The following OR10J1 variants were observed in gnomAD, a reference collection of about 807,000 sequenced individuals.
The protein encoded by OR10J1 is olfactory receptor 10J1.
For missense variants in OR10J1, 474 were observed against 376.6 expected, an observed-to-expected ratio of 1.26 and a Z score of -2.14; for synonymous variants, 202 against 143.8, an observed-to-expected ratio of 1.40 and a Z score of -2.89.
At chr1:159,407,788 C>T in the OR10J1 span, among the ~76,000 whole-genome samples, 2 of 151,976 alleles carry the variant, frequency 1.3e-5, no homozygotes, top group African/African-American at 2.4e-5. Context: ...TTTCTTATTC[C>T]CATACTATGT....
chr1:159,416,044 C>T, the OR10J1 span, among the ~76,000 whole-genome samples: 1 of 151,872 alleles, frequency 6.6e-6, no homozygotes, highest in Admixed American at 6.6e-5. Context: ...TATCTTACAA[C>T]TTTACTAAAT....
At chr1:159,415,940 T>C in the OR10J1 span, among the ~76,000 whole-genome samples, 3 of 151,934 alleles carry the variant, frequency 2.0e-5, no homozygotes, top group African/African-American at 7.2e-5. Flanking sequence ...TCAGTTATTG[T>C]AAATGGGATT....
chr1:159,413,232 C>G, the OR10J1 span, among the ~76,000 whole-genome samples: 2 of 152,114 alleles, frequency 1.3e-5, no homozygotes, highest in Non-Finnish European at 1.5e-5. Context: ...CACTTTTACA[C>G]TGTTGGTGGG....
chr1:159,405,684 T>G, the OR10J1 span: 1 of 569,754 alleles, frequency 1.8e-6, no homozygotes, highest in Admixed American at 2.2e-5. Context: ...TACCCTCAGT[T>G]GAAGCAATCT....
chr1:159,406,527 G>T, the OR10J1 span: 1 of 199,148 alleles, frequency 5.0e-6, no homozygotes, highest in Non-Finnish European at 1.0e-5. Context: ...TACTGATCAA[G>T]AGCTCAGCAC....
At chr1:159,423,185 T>C in the OR10J1 span, among the ~76,000 whole-genome samples, 1 of 152,188 alleles carries the variant, frequency 6.6e-6, no homozygotes, top group African/African-American at 2.4e-5. Context: ...ATAAAAGCCA[T>C]GCTGCTTTTC....
the OR10J1 span, among the ~76,000 whole-genome samples, chr1:159,414,234 A>G: frequency 6.6e-6 from 1 of 152,026 alleles, no homozygotes; most frequent in African/African-American, 2.4e-5. Context: ...ACTTCTCTTC[A>G]TCACCACCCT....
chr1:159,434,790 C>A (rs1655688676), upstream of OR10J1, among the ~76,000 whole-genome samples: 1 of 152,096 alleles, frequency 6.6e-6, no homozygotes, highest in Non-Finnish European at 1.5e-5. Context: ...ATGGACATAC[C>A]ATTCCCTGGC....
chr1:159,412,687 C>T, the OR10J1 span, among the ~76,000 whole-genome samples: 4 of 152,016 alleles, frequency 2.6e-5, no homozygotes, highest in Middle Eastern at 3.4e-3. Context: ...AAAATTAATT[C>T]AAGATGGATT....
rs1462145382 is a variant in OR10J1 at position 159,440,317 on chromosome 1, T to C, written c.526T>C (p.Phe176Leu). 2 of 1,614,182 alleles carry C rather than the reference T, an allele frequency of 1.2e-6. No individual in the cohort carries two copies. Among genetic ancestry groups the C allele is most frequent in the Non-Finnish European group, 1.7e-6 (2 of 1,180,014 alleles). Residue 176 changes from phenylalanine to leucine, a missense_variant, in exon 1 of 1, where the codon TTC (phenylalanine) becomes CTC (leucine). Phe to Leu is a conservative substitution (Grantham distance 22). Transcript: ENST00000423932. Reference sequence around the variant, plus strand: ...CTTCTGTGCTAGAAAGGTGCCCCACTTCTTCTGTGACATCCGCCCTGTGAT... The same window carrying C: ...CTTCTGTGCTAGAAAGGTGCCCCACCTCTTCTGTGACATCCGCCCTGTGAT... ...LPFCARKVPH[F>L]FCDIRPVMKL...
the OR10J1 span, among the ~76,000 whole-genome samples, chr1:159,428,318 T>C: frequency 6.6e-6 from 1 of 152,190 alleles, no homozygotes; most frequent in Non-Finnish European, 1.5e-5. Context: ...TAGATTTTCT[T>C]AGCCTTTTCT....
At chr1:159,419,831 C>T in the OR10J1 span, among the ~76,000 whole-genome samples, 1 of 152,076 alleles carries the variant, frequency 6.6e-6, no homozygotes, top group Non-Finnish European at 1.5e-5. Flanking sequence ...TTGTAAATGC[C>T]TTTTCGGTTC....
the OR10J1 span, chr1:159,405,894 T>C: frequency 1.7e-6 from 1 of 599,354 alleles, no homozygotes; most frequent in Non-Finnish European, 3.1e-6. Context: ...ACATAGATGT[T>C]ACTTGGACAA....
the OR10J1 span, among the ~76,000 whole-genome samples, chr1:159,429,848 G>T: frequency 7.9e-5 from 12 of 152,216 alleles, no homozygotes; most frequent in East Asian, 2.3e-3. Flanking sequence ...GAAAGGTCCT[G>T]GTAGGTTCTG....
In OR10J1 at chr1:159,440,890, G is replaced by A. The variant is rs1027706826; in HGVS notation, c.*169G>A. The A allele has an allele frequency of 3.0e-6, 2 of 655,896 alleles. No homozygotes were observed. The highest frequency in any genetic ancestry group is 5.0e-6 in the Non-Finnish European group (2 of 402,320). The allele number at this position is 655,896 out of a possible 1,614,324, so 40.6% of individuals were successfully genotyped here. On this transcript the variant is annotated 3_prime_UTR_variant, in exon 1 of 1. Transcript: ENST00000423932. Reference sequence around the variant, plus strand: ...TCTGAAGCTTTAAATAAAGTTACTGGATGGAGTGTTATCCCTATTTTTGGG... The same window carrying A: ...TCTGAAGCTTTAAATAAAGTTACTGAATGGAGTGTTATCCCTATTTTTGGG...
At chr1:159,418,108 A>G in the OR10J1 span, among the ~76,000 whole-genome samples, 2 of 152,204 alleles carry the variant, frequency 1.3e-5, no homozygotes, top group Non-Finnish European at 2.9e-5. Flanking sequence ...TTAAAAGGGA[A>G]GCAACATAAA....
At chr1:159,436,104 T>C (rs1396535967), upstream of OR10J1, among the ~76,000 whole-genome samples, 2 of 152,106 alleles carry the variant, frequency 1.3e-5, no homozygotes, top group Admixed American at 6.6e-5. Context: ...TTTTATATCA[T>C]CAACCCAGTT....
the OR10J1 span, chr1:159,432,529 G>T: frequency 2.2e-6 from 1 of 463,984 alleles, no homozygotes; most frequent in Non-Finnish European, 3.9e-6. Context: ...CTCACTTTTG[G>T]TGTCAATAAA....
chr1:159,432,320 C>G, the OR10J1 span: 1 of 401,180 alleles, frequency 2.5e-6, no homozygotes, highest in African/African-American at 2.1e-5. Context: ...ACGTTTTGAC[C>G]CTTGCCAGCA....
Sources: allele counts gnomAD v4.1 joint callset (sites outside exome capture counted in the v4.1 genomes callset), GRCh38; gene constraint gnomAD v4.1.1; transcripts MANE v1.5; gene names NCBI Gene and HGNC (gene_info 2026-07-23, HGNC 2026-07-21).